The following OPCML variants were observed in gnomAD, a reference collection of about 807,000 sequenced individuals.
OPCML encodes opioid-binding protein/cell adhesion molecule.
Under a neutral mutation model 37.8 loss-of-function variants are expected in OPCML, and 13 were observed. The ratio of observed to expected loss-of-function variants is 0.34; its 90% CI spans 0.22 to 0.55. OPCML has a LOEUF of 0.55. OPCML is among the 20% of genes least tolerant of loss of function. OPCML has a pLI of 0.91. For synonymous variants in OPCML, 176 were observed against 168.8 expected (o/e 1.04, Z -0.33); for missense variants, 341 against 435.6 (o/e 0.78, Z 1.93).
chr11:133,001,641 T>G (rs923486823), intron 1 of OPCML, among the ~76,000 whole-genome samples: 5 of 152,230 alleles, frequency 3.3e-5, no homozygotes, highest in African/African-American at 1.2e-4. Context: ...GAAGAATAAG[T>G]GGCAAAGGCC....
chr11:132,922,921 GT>G (rs1159613317), intron 2 of OPCML, among the ~76,000 whole-genome samples: 6 of 150,054 alleles, frequency 4.0e-5, no homozygotes, highest in East Asian at 3.9e-4. Flanking sequence ...TTTGTTTTTT[GT>G]TTTTTTTTAA....
rs1455277445 is a variant in OPCML at position 133,173,873 on chromosome 11, C to G, written c.62-230863G>C. On this transcript the variant is annotated intron_variant, in intron 1 of 7. Transcript: ENST00000524381. The surrounding 1 kb of genome is among the most constrained non-coding windows in gnomAD (Gnocchi z 7.8). ...CAAATAATGAAGTTGATAAATGGGT[C>G]TGCACTCTGAGGGCTGGAATGAAGA... is the stretch of plus-strand genomic sequence containing the variant. 6.6e-6 allele frequency among the ~76,000 whole-genome samples: 1 copy of G among 152,200 alleles called. No individual in the cohort carries two copies. Among genetic ancestry groups the G allele is most frequent in the Non-Finnish European group, 1.5e-5 (1 of 68,032 alleles).
intron 1 of OPCML, among the ~76,000 whole-genome samples, chr11:133,273,236 G>T (rs1165178300): frequency 6.6e-6 from 1 of 152,142 alleles, no homozygotes; most frequent in East Asian, 1.9e-4. Flanking sequence ...CCAGAGGGAT[G>T]GGGAGGGGTT....
intron 1 of OPCML, among the ~76,000 whole-genome samples, chr11:133,285,672 T>C (rs1002796743): frequency 1.3e-5 from 2 of 152,232 alleles, no homozygotes; most frequent in African/African-American, 4.8e-5. Context: ...TAGCTTTGTT[T>C]ACCTACATAT....
At chr11:133,369,542 C>G (rs576378671) in intron 1 of OPCML, among the ~76,000 whole-genome samples, 2 of 152,338 alleles carry the variant, frequency 1.3e-5, no homozygotes, top group South Asian at 4.1e-4. Flanking sequence ...TCTCTACTTT[C>G]TAACTACACA....
intron 2 of OPCML, among the ~76,000 whole-genome samples, chr11:132,792,161 G>T (rs12797999): frequency 0.075 from 11,480 of 152,084 alleles, 478 homozygotes; most frequent in Non-Finnish European, 0.091. Flanking sequence ...ATAGGGCTTT[G>T]CAATTGTAGC....
intron 2 of OPCML, among the ~76,000 whole-genome samples, chr11:132,700,366 G>A (rs779360262): frequency 6.6e-6 from 1 of 151,736 alleles, no homozygotes; most frequent in African/African-American, 2.4e-5. Flanking sequence ...AGTACCTATA[G>A]GCATAAAGCT....
chr11:133,090,816 T>G (rs577859828), intron 1 of OPCML, among the ~76,000 whole-genome samples: 46 of 152,294 alleles, frequency 3.0e-4, no homozygotes, highest in African/African-American at 1.1e-3. Context: ...GGCTAGATTG[T>G]GAAGAACAGA....
chr11:133,198,685 G>T (rs1335426845), intron 1 of OPCML, among the ~76,000 whole-genome samples: 1 of 152,232 alleles, frequency 6.6e-6, no homozygotes, highest in Non-Finnish European at 1.5e-5. Context: ...TTTACAGAGA[G>T]ACCATGGGAG....
chr11:133,463,393 G>A (rs1946903887), intron 1 of OPCML, among the ~76,000 whole-genome samples: 1 of 151,834 alleles, frequency 6.6e-6, no homozygotes, highest in African/African-American at 2.4e-5. Context: ...TGCTTACAAT[G>A]GTAAATTTTG....
chr11:132,979,803 G>A (rs1475602309), intron 1 of OPCML, among the ~76,000 whole-genome samples: 1 of 152,148 alleles, frequency 6.6e-6, no homozygotes, highest in Non-Finnish European at 1.5e-5. Flanking sequence ...AGAATTTGCT[G>A]GGAGAGCAGC....
intron 1 of OPCML, among the ~76,000 whole-genome samples, chr11:132,997,655 C>A (rs1218421879): frequency 1.3e-5 from 2 of 152,208 alleles, no homozygotes; most frequent in Non-Finnish European, 2.9e-5. Context: ...TCATCACCAT[C>A]CACCATGGAC....
At chr11:133,260,518 A>G (rs1941457434) in intron 1 of OPCML, among the ~76,000 whole-genome samples, 1 of 151,982 alleles carries the variant, frequency 6.6e-6, no homozygotes, top group African/African-American at 2.4e-5. Flanking sequence ...TTGCATCTGG[A>G]CTGAATGTGG....
At chr11:132,683,390 A>G (rs963969910) in intron 2 of OPCML, among the ~76,000 whole-genome samples, 25 of 152,170 alleles carry the variant, frequency 1.6e-4, no homozygotes, top group African/African-American at 5.8e-4. Flanking sequence ...ATAAAAAAGC[A>G]AAAGTTGACA....
chr11:132,806,965 C>T (rs1939051661), intron 2 of OPCML, among the ~76,000 whole-genome samples: 1 of 151,968 alleles, frequency 6.6e-6, no homozygotes, highest in Non-Finnish European at 1.5e-5. Flanking sequence ...ACAAAAAATG[C>T]AAATATTTAA....
At chr11:133,279,072 G>A (rs572581896) in intron 1 of OPCML, among the ~76,000 whole-genome samples, 43 of 152,302 alleles carry the variant, frequency 2.8e-4, no homozygotes, top group Non-Finnish European at 4.3e-4. Context: ...TCCAGACCTT[G>A]CCACTAGTAG....
intron 2 of OPCML, among the ~76,000 whole-genome samples, chr11:132,745,840 C>T (rs1945615763): frequency 6.6e-6 from 1 of 152,172 alleles, no homozygotes; most frequent in Non-Finnish European, 1.5e-5. Flanking sequence ...GATAGAGTGG[C>T]ACTCAGAGCA....
chr11:132,804,543 C>T (rs976876683), intron 2 of OPCML, among the ~76,000 whole-genome samples: 2 of 152,112 alleles, frequency 1.3e-5, no homozygotes, highest in East Asian at 3.9e-4. Flanking sequence ...AATGCAGTGC[C>T]TGGAGATTTT....
chr11:132,795,887 G>T (rs1396864625), intron 2 of OPCML, among the ~76,000 whole-genome samples: 1 of 152,226 alleles, frequency 6.6e-6, no homozygotes, highest in Non-Finnish European at 1.5e-5. Context: ...GTACGACACA[G>T]TCGGCCTTCT....
Sources: allele counts gnomAD v4.1 joint callset (sites outside exome capture counted in the v4.1 genomes callset), GRCh38; gene constraint gnomAD v4.1.1; non-coding constraint Gnocchi (gnomAD v3.1); transcripts MANE v1.5; gene names NCBI Gene and HGNC (gene_info 2026-07-23, HGNC 2026-07-21).